The following PARD3 variants were observed in gnomAD, a reference collection of about 807,000 sequenced individuals.
PARD3 encodes par-3 family cell polarity regulator.
A neutral mutation model predicts 155.4 loss-of-function variants in PARD3; 75 were observed. The ratio of observed to expected loss-of-function variants is 0.48; its 90% confidence interval spans 0.40 to 0.58. The LOEUF (loss-of-function observed/expected upper bound fraction) is 0.58, where lower values mean the gene tolerates loss of function less well. Ranked by LOEUF, PARD3 falls within the 20% of genes least tolerant of loss-of-function variation. PARD3 has a pLI of 0.00. For missense variants in PARD3, 1,642 were observed against 1,721.7 expected (o/e 0.95, Z 0.82); for synonymous variants, 576 against 610.5 (o/e 0.94, Z 0.83).
intron 24 of PARD3, 48 bp downstream of exon 24, chr10:34,119,565 T>C (rs1946869368): frequency 6.5e-7 from 1 of 1,538,652 alleles, no homozygotes; most frequent in Non-Finnish European, 8.8e-7. Flanking sequence ...GGGCGGGGGA[T>C]CTTAAAGGGC....
At chr10:34,405,630 A>G (rs1272911906) in intron 5 of PARD3, among the ~76,000 whole-genome samples, 1 of 152,172 alleles carries the variant, frequency 6.6e-6, no homozygotes, top group Non-Finnish European at 1.5e-5. Flanking sequence ...ATGTAAAAAA[A>G]GTAGGAGGGG....
chr10:34,674,941 G>A (rs1307083821), intron 2 of PARD3, among the ~76,000 whole-genome samples: 1 of 152,128 alleles, frequency 6.6e-6, no homozygotes, highest in Non-Finnish European at 1.5e-5. Flanking sequence ...ACCTTACTAT[G>A]TTGTCTTCAC....
At chr10:34,672,996 T>C (rs1045288784) in intron 2 of PARD3, among the ~76,000 whole-genome samples, 3 of 152,232 alleles carry the variant, frequency 2.0e-5, no homozygotes, top group African/African-American at 7.2e-5. Context: ...TTCCATCCTC[T>C]CTCTGACCTA....
intron 16 of PARD3, among the ~76,000 whole-genome samples, chr10:34,339,193 T>C (rs767865158): frequency 5.3e-5 from 8 of 152,202 alleles, no homozygotes; most frequent in Non-Finnish European, 1.0e-4. Flanking sequence ...ACTCTGCACA[T>C]GCTAACCAAT....
chr10:34,655,760 A>AGG (rs2093150118), intron 2 of PARD3, among the ~76,000 whole-genome samples: 1 of 152,198 alleles, frequency 6.6e-6, no homozygotes, highest in Non-Finnish European at 1.5e-5. Context: ...AGTAGACACA[A>AGG]GGGGGAGCCA....
intron 2 of PARD3, among the ~76,000 whole-genome samples, chr10:34,532,351 C>A (rs751221784): frequency 6.6e-6 from 1 of 152,062 alleles, no homozygotes; most frequent in African/African-American, 2.4e-5. Context: ...CATATGTACA[C>A]CCAAGCAGTT....
intron 3 of PARD3, 128 bp from the exon 4 acceptor site, chr10:34,470,391 GTCAGTATTCTAAACACAAAT>G: frequency 1.6e-6 from 1 of 623,404 alleles, no homozygotes; most frequent in Non-Finnish European, 2.6e-6. Context: ...GGACAAGTGG[GTCAGTATTCTAAACACAAAT>G]TCCTTTAGGT....
chr10:34,810,547 T>C (rs2134422136), intron 1 of PARD3, among the ~76,000 whole-genome samples: 1 of 152,318 alleles, frequency 6.6e-6, no homozygotes, highest in South Asian at 2.1e-4. Flanking sequence ...CCCCAGCCCA[T>C]ACACACATGC....
chr10:34,695,863 C>T (rs563217965), intron 2 of PARD3, among the ~76,000 whole-genome samples: 33 of 152,294 alleles, frequency 2.2e-4, no homozygotes, highest in African/African-American at 7.2e-4. Flanking sequence ...GGGACACACT[C>T]GCCCACTGCA....
intron 22 of PARD3, among the ~76,000 whole-genome samples, chr10:34,149,975 C>T (rs1447455988): frequency 6.6e-6 from 1 of 152,148 alleles, no homozygotes; most frequent in Non-Finnish European, 1.5e-5. Flanking sequence ...TTCATTTGAA[C>T]AGCTATTTTA....
intron 7 of PARD3, among the ~76,000 whole-genome samples, chr10:34,386,429 G>A (rs1262822142): frequency 6.6e-6 from 1 of 152,148 alleles, no homozygotes; most frequent in Non-Finnish European, 1.5e-5. Flanking sequence ...CAAAAATGAA[G>A]TTATTGTTTA....
At chr10:34,724,898 C>A (rs1052015522) in intron 1 of PARD3, among the ~76,000 whole-genome samples, 1 of 152,150 alleles carries the variant, frequency 6.6e-6, no homozygotes, top group Non-Finnish European at 1.5e-5. Context: ...TTCTAAAATC[C>A]GCTCAGTGAG....
At chr10:34,382,516 A>G in intron 9 of PARD3, 24 bp downstream of exon 9, 3 of 1,586,442 alleles carry the variant, frequency 1.9e-6, no homozygotes, top group Non-Finnish European at 2.6e-6. Context: ...AAATTCCACA[A>G]AACAAAAACA....
intron 1 of PARD3, among the ~76,000 whole-genome samples, chr10:34,783,377 G>T (rs1367595376): frequency 6.6e-6 from 1 of 151,906 alleles, no homozygotes; most frequent in East Asian, 1.9e-4. Context: ...GGCCGAGGCG[G>T]GCAGATCACA....
intron 2 of PARD3, among the ~76,000 whole-genome samples, chr10:34,573,653 G>T (rs2086615957): frequency 6.6e-6 from 1 of 151,804 alleles, no homozygotes; most frequent in African/African-American, 2.4e-5. Context: ...GTTGCAGTAA[G>T]CCGAGATCAT....
chr10:34,710,618 G>C (rs922320029), intron 1 of PARD3, among the ~76,000 whole-genome samples: 2 of 152,040 alleles, frequency 1.3e-5, no homozygotes, highest in Non-Finnish European at 2.9e-5. Context: ...CAGTGTTCTT[G>C]GCCAAGCACT....
chr10:34,407,100 G>A (rs1844560474), intron 5 of PARD3, among the ~76,000 whole-genome samples: 1 of 152,194 alleles, frequency 6.6e-6, no homozygotes, highest in Admixed American at 6.5e-5. Context: ...TATCAGAGCA[G>A]ACATTTAGGG....
intron 2 of PARD3, among the ~76,000 whole-genome samples, chr10:34,648,611 A>T (rs1018861367): frequency 1.3e-5 from 2 of 152,144 alleles, no homozygotes; most frequent in African/African-American, 4.8e-5. Flanking sequence ...CCTCACACAC[A>T]GTTCCGCTAA....
intron 22 of PARD3, among the ~76,000 whole-genome samples, chr10:34,224,902 C>T (rs2570326): frequency 0.56 from 84,907 of 151,986 alleles, 25,430 homozygotes; most frequent in African/African-American, 0.78. Context: ...CTACTGAGTA[C>T]TGTCAGCTAG....
Sources: gnomAD v4.1 joint callset for allele counts (sites outside exome capture counted in the v4.1 genomes callset) on GRCh38, gnomAD v4.1.1 for gene constraint, MANE v1.5 for transcripts, NCBI Gene and HGNC (gene_info 2026-07-23, HGNC 2026-07-21) for gene names.